Variants in GPHN observed in about 807,000 individuals in gnomAD.
GPHN encodes gephyrin.
In GPHN, 17 loss-of-function variants were observed where a neutral mutation model predicts 95.5. The observed-to-expected ratio is 0.18, with a 90% CI of 0.12 to 0.27. The LOEUF (loss-of-function observed/expected upper bound fraction) is 0.27, where lower values mean the gene tolerates loss of function less well. Among genes scored for constraint, GPHN ranks in the 10% least tolerant of loss-of-function variants. The pLI is 1.00. For synonymous variants in GPHN, 320 were observed against 322.5 expected (o/e 0.99, Z 0.08); for missense variants, 660 against 978.1 (o/e 0.67, Z 4.34).
chr14:67,098,557 C>T (rs1194857571), intron 12 of GPHN, among the ~76,000 whole-genome samples: 2 of 151,856 alleles, frequency 1.3e-5, no homozygotes, highest in African/African-American at 4.8e-5. Flanking sequence ...TGCCTGTAAC[C>T]CCAGCATTTT....
the GPHN span, chr14:67,584,254 T>G: frequency 2.3e-6 from 2 of 868,694 alleles, no homozygotes; most frequent in Non-Finnish European, 3.5e-6. Context: ...CTCCACTGTT[T>G]CTGGCCTAGT....
the GPHN span, among the ~76,000 whole-genome samples, chr14:67,666,589 T>A: frequency 6.6e-6 from 1 of 152,222 alleles, no homozygotes; most frequent in Non-Finnish European, 1.5e-5. Flanking sequence ...TCTACCCAAC[T>A]GAGAGGGATC....
the GPHN span, among the ~76,000 whole-genome samples, chr14:67,511,339 T>C: frequency 0.05 from 6,245 of 124,562 alleles, 168 homozygotes; most frequent in Non-Finnish European, 0.077. Context: ...ACAGCTGAAG[T>C]CTTATTTAAA....
chr14:66,877,231 G>A lies in GPHN; in HGVS notation c.295-2708G>A, dbSNP rs189647659. Among the ~76,000 whole-genome samples the A allele has an allele frequency of 7.8e-4, 119 of 152,144 alleles. 1 individual carries two copies. The highest frequency in any genetic ancestry group is 1.2e-3 in the Non-Finnish European group (84 of 67,982). ...TCAATAAACTAGGTATTGATGGAACGTATCTCAAAATAATAAGAGCTATTT... is the reference window on the plus strand; with the variant it reads ...TCAATAAACTAGGTATTGATGGAACATATCTCAAAATAATAAGAGCTATTT... On this transcript the variant is annotated intron_variant, in intron 4 of 22. Coordinates refer to ENST00000478722, the MANE Select transcript of GPHN (RefSeq NM_020806.5).
At chr14:67,412,145 C>T in the GPHN span, 58 of 1,186,302 alleles carry the variant, frequency 4.9e-5, no homozygotes, top group Non-Finnish European at 6.6e-6. Flanking sequence ...GCGCAGTCCG[C>T]GCCCACGGCG....
chr14:67,085,428 T>A (rs2076845236), intron 11 of GPHN, among the ~76,000 whole-genome samples: 1 of 152,236 alleles, frequency 6.6e-6, no homozygotes, highest in East Asian at 1.9e-4. Context: ...TCATTATTTC[T>A]CTCCTCAGAG....
the GPHN span, chr14:67,316,767 TAAA>T: frequency 1.9e-5 from 25 of 1,282,364 alleles, no homozygotes; most frequent in Non-Finnish European, 2.5e-5. Flanking sequence ...CCTTCTTGAT[TAAA>T]AAAAAAATTC....
intron 4 of GPHN, among the ~76,000 whole-genome samples, chr14:66,870,071 G>C (rs892511961): frequency 2.6e-5 from 4 of 152,158 alleles, no homozygotes; most frequent in African/African-American, 9.7e-5. Context: ...CTTCATAGAT[G>C]ATGATCTTTT....
At position 66,736,383 on chromosome 14, in the gene GPHN, T is replaced by G. The variant is rs189199044; in HGVS notation, c.144-40081T>G. Among the ~76,000 whole-genome samples the G allele has an allele frequency of 2.4e-3, 357 of 148,354 alleles. 4 individuals are homozygous for G. The highest frequency in any genetic ancestry group is 8.6e-3 in the African/African-American group (336 of 39,200). On this transcript the variant is annotated intron_variant, in intron 2 of 22. Transcript: ENST00000478722. The stretch of plus-strand genomic sequence containing the variant: ...TTCATTGAATTTTTTATTTTAACTG[T>G]TTTCTTTCTTTTTTTTTTCTTTTTT...
the GPHN span, among the ~76,000 whole-genome samples, chr14:67,445,622 T>G: frequency 7.0e-6 from 1 of 143,342 alleles, no homozygotes; most frequent in Admixed American, 6.9e-5. Context: ...TCTTGCTCTG[T>G]CACCCAGGCT....
intron 2 of GPHN, among the ~76,000 whole-genome samples, chr14:66,712,650 C>T (rs1238485036): frequency 6.6e-6 from 1 of 152,092 alleles, no homozygotes; most frequent in African/African-American, 2.4e-5. Context: ...AATTAGATCC[C>T]ATTTGTCCAT....
the GPHN span, among the ~76,000 whole-genome samples, chr14:67,321,592 T>G: frequency 0.15 from 23,557 of 152,182 alleles, 3,443 homozygotes; most frequent in East Asian, 0.42. Flanking sequence ...AGTCTGAAAT[T>G]AAATTCATTT....
chr14:67,610,227 T>C, the GPHN span, among the ~76,000 whole-genome samples: 545 of 152,350 alleles, frequency 3.6e-3, 4 homozygotes, highest in African/African-American at 0.013. Flanking sequence ...ATAACATGAC[T>C]GACTCCATTT....
chr14:66,646,179 T>C (rs1295877572), intron 1 of GPHN, among the ~76,000 whole-genome samples: 2 of 152,142 alleles, frequency 1.3e-5, no homozygotes, highest in African/African-American at 2.4e-5. Flanking sequence ...AGATACTCAA[T>C]GGCCAACAAG....
At chr14:67,581,106 C>T in the GPHN span, 1 of 944,626 alleles carries the variant, frequency 1.1e-6, no homozygotes, top group Non-Finnish European at 1.7e-6. Context: ...TCATCGCCTC[C>T]TCGACTAGAC....
At chr14:66,681,319 TATTGAA>T in intron 2 of GPHN, 134 bp downstream of exon 2, 1 of 648,616 alleles carries the variant, frequency 1.5e-6, no homozygotes, top group Admixed American at 2.5e-5. Context: ...GTTTTACACA[TATTGAA>T]GTCTGACAGA....
At chr14:67,651,404 T>C in the GPHN span, 6 of 1,613,834 alleles carry the variant, frequency 3.7e-6, no homozygotes, top group South Asian at 1.1e-5. Flanking sequence ...GCGAAAGAAT[T>C]TGTAGTAAAC....
chr14:66,900,569 A>G (rs547941089), intron 5 of GPHN, among the ~76,000 whole-genome samples: 4 of 151,672 alleles, frequency 2.6e-5, no homozygotes, highest in Non-Finnish European at 4.4e-5. Flanking sequence ...GCCCCTGGTA[A>G]CAACCAATCT....
the GPHN span, chr14:67,725,358 C>A: frequency 8.3e-7 from 1 of 1,204,038 alleles, no homozygotes; most frequent in Non-Finnish European, 1.2e-6. Flanking sequence ...TCATCCACCC[C>A]ACTAGACAGG....
Sources: gnomAD v4.1 joint callset for allele counts (sites outside exome capture counted in the v4.1 genomes callset) on GRCh38, gnomAD v4.1.1 for gene constraint, MANE v1.5 for transcripts, NCBI Gene and HGNC (gene_info 2026-07-23, HGNC 2026-07-21) for gene names.